Variants in ICAM1 observed in about 807,000 individuals in gnomAD.
The protein encoded by ICAM1 is intercellular adhesion molecule 1.
A neutral mutation model predicts 42.3 loss-of-function variants in ICAM1; 28 were observed. The observed-to-expected ratio is 0.66, with a 90% confidence interval of 0.49 to 0.91. The LOEUF (loss-of-function observed/expected upper bound fraction) is 0.91. Among genes scored for constraint, ICAM1 ranks in the 40% least tolerant of loss-of-function variants. ICAM1 has a pLI of 0.00. For synonymous variants in ICAM1, 304 were observed against 305.9 expected (o/e 0.99, Z 0.07); for missense variants, 637 against 688.6 (o/e 0.93, Z 0.84).
intron 2 of ICAM1, among the ~76,000 whole-genome samples, chr19:10,275,862 C>T (rs1183341926): frequency 1.3e-5 from 2 of 151,566 alleles, no homozygotes; most frequent in Non-Finnish European, 2.9e-5. Flanking sequence ...CGCCTGCCAC[C>T]ATGCCCGGCT....
At chr19:10,283,906 A>G (rs1291727625) in intron 3 of ICAM1, 120 bp downstream of exon 3, 17 of 1,434,048 alleles carry the variant, frequency 1.2e-5, no homozygotes, top group Non-Finnish European at 1.5e-5. Context: ...CATGTGTTCT[A>G]GGCGTATGTG....
rs2040084889 is a variant in ICAM1, at chr19:10,284,248, A to G, written c.853A>G (p.Thr285Ala). The G allele has an allele frequency of 2.5e-6, 4 of 1,613,764 alleles. No homozygotes were observed. Among genetic ancestry groups the G allele is most frequent in the South Asian group, 1.1e-5 (1 of 91,072 alleles). ...CAGTGTGACCGCAGAGGACGAGGGC[A>G]CCCAGCGGCTGACGTGTGCAGTAAT... ...SVSVTAEDEG[T>A]QRLTCAVILG... Residue 285 changes from threonine (T) to alanine (A), a missense_variant, in exon 4 of 7, where the codon ACC (threonine) becomes GCC (alanine). Coordinates refer to ENST00000264832, the MANE Select transcript of ICAM1 (RefSeq NM_000201.3). This position sits in a 1 kb window ranked among gnomAD's most constrained non-coding sequence, Gnocchi z 5.4.
rs1032185087 is a variant in ICAM1 at position 10,285,972 on chromosome 19, T to G, written c.*685T>G. The G allele has an allele frequency of 6.6e-6, 1 of 152,512 alleles. No homozygotes were observed. The allele number at this position is 152,512 out of a possible 1,614,324, so 9.4% of individuals were successfully genotyped here. On this transcript the variant is annotated 3_prime_UTR_variant, in exon 7 of 7. Coordinates refer to ENST00000264832, the MANE Select transcript of ICAM1 (RefSeq NM_000201.3). ...AAAGATCAAATGGGGCTGGGACTTC[T>G]CATTGGCCAACCTGCCTTTCCCCAG...
At chr19:10,272,297 G>A (rs3093035) in intron 1 of ICAM1, among the ~76,000 whole-genome samples, 5,893 of 152,146 alleles carry the variant, frequency 0.039, 177 homozygotes, top group Non-Finnish European at 0.058. Flanking sequence ...AAAACAAAGC[G>A]TTCTGATCCG....
intron 2 of ICAM1, among the ~76,000 whole-genome samples, chr19:10,281,043 T>G (rs539502341): frequency 3.3e-5 from 5 of 150,904 alleles, no homozygotes; most frequent in East Asian, 1.9e-4. Context: ...CTGGCTAATT[T>G]TTTGTATTTT....
intron 1 of ICAM1, among the ~76,000 whole-genome samples, chr19:10,272,738 G>A (rs2039991544): frequency 6.6e-6 from 1 of 151,486 alleles, no homozygotes; most frequent in Non-Finnish European, 1.5e-5. Context: ...GCTAATCACT[G>A]TGTTAGCCAG....
Position 10,284,533 on chromosome 19 carries a change from G to C in ICAM1, c.1056G>C (p.Pro352=), listed in dbSNP as rs201383296. Residue 352 remains proline, a synonymous_variant, in exon 5 of 7, where the codon CCG becomes CCC. Coordinates refer to ENST00000264832, the MANE Select transcript of ICAM1 (RefSeq NM_000201.3). This position sits in a 1 kb window ranked among gnomAD's most constrained non-coding sequence, Gnocchi z 5.4. The part of the protein sequence containing the change: ...LNGVPAQPLG[P]RAQLLLKATP... ...GGGTTCCAGCCCAGCCACTGGGCCC[G>C]AGGGCCCAGCTCCTGCTGAAGGCCA... 1.2e-6 allele frequency: 2 copies of C among 1,613,986 alleles called. No homozygotes were observed. The highest frequency in any genetic ancestry group is 1.7e-4 in the Middle Eastern group (1 of 6,060).
Position 10,285,095 on chromosome 19 carries a change from C to G in ICAM1, c.1427-20C>G, listed in dbSNP as rs1158816155. Reference sequence around the variant, plus strand: ...ATGGACCTAATGCAATCCTCACCGCCTGTTGTATCCTCCCCACAGCCCCCC... The same window carrying G: ...ATGGACCTAATGCAATCCTCACCGCGTGTTGTATCCTCCCCACAGCCCCCC... On this transcript the variant is annotated intron_variant, in intron 6 of 6. Transcript: ENST00000264832. 6.2e-7 allele frequency: 1 copy of G among 1,613,800 alleles called. No individual in the cohort carries two copies. The highest frequency in any genetic ancestry group is 8.5e-7 in the Non-Finnish European group (1 of 1,179,978).
rs1056106066 is a variant in ICAM1 at position 10,284,387 on chromosome 19, T to C, written c.926-16T>C. Reference sequence around the variant, plus strand: ...GACCTGAACCCGGGGCGGGGCTCACTGTGTGCCTATTCCAGGCTTTCCGGC... The same window carrying C: ...GACCTGAACCCGGGGCGGGGCTCACCGTGTGCCTATTCCAGGCTTTCCGGC... On this transcript the variant is annotated splice_polypyrimidine_tract_variant and intron_variant, in intron 4 of 6. Coordinates refer to ENST00000264832, the MANE Select transcript of ICAM1 (RefSeq NM_000201.3). The surrounding 1 kb of genome is among the most constrained non-coding windows in gnomAD (Gnocchi z 5.4). 4 of 1,612,432 alleles carry C rather than the reference T, an allele frequency of 2.5e-6. No homozygotes were observed. The South Asian group carries it at 3.3e-5, about 13-fold the overall frequency.
At chr19:10,275,604 G>A (rs1330410380) in intron 2 of ICAM1, among the ~76,000 whole-genome samples, 1 of 151,956 alleles carries the variant, frequency 6.6e-6, no homozygotes, top group Non-Finnish European at 1.5e-5. Context: ...GTGGTGGCTT[G>A]TACCTATAAT....
chr19:10,284,373 G>C lies in ICAM1; in HGVS notation c.926-30G>C. ...CTTCTTGGGGGTGTGACCTGAACCC[G>C]GGGCGGGGCTCACTGTGTGCCTATT... On this transcript the variant is annotated intron_variant, in intron 4 of 6. Transcript: ENST00000264832. This position sits in a 1 kb window ranked among gnomAD's most constrained non-coding sequence, Gnocchi z 5.4. The C allele has an allele frequency of 6.2e-7, 1 of 1,611,712 alleles. No homozygotes were observed. Among genetic ancestry groups the C allele is most frequent in the Non-Finnish European group, 8.5e-7 (1 of 1,179,650 alleles).
At chr19:10,271,458 G>A (rs1423980043) in intron 1 of ICAM1, among the ~76,000 whole-genome samples, 1 of 152,078 alleles carries the variant, frequency 6.6e-6, no homozygotes, top group Non-Finnish European at 1.5e-5. Context: ...AGATGGAGGG[G>A]AGGGGCGGGC....
chr19:10,283,291 C>A (rs1448214373), intron 2 of ICAM1, 190 bp from the exon 3 acceptor site: 4 of 540,852 alleles, frequency 7.4e-6, no homozygotes, highest in Non-Finnish European at 1.3e-5. Flanking sequence ...ATATTTTGAT[C>A]CCCTTCACAA....
At chr19:10,280,519 A>G (rs1321843214) in intron 2 of ICAM1, among the ~76,000 whole-genome samples, 3 of 151,430 alleles carry the variant, frequency 2.0e-5, no homozygotes, top group African/African-American at 7.3e-5. Context: ...CAGGGACTAC[A>G]GGTGTGAGCC....
chr19:10,274,293 A>G (rs1193197921), intron 1 of ICAM1, among the ~76,000 whole-genome samples: 3 of 151,058 alleles, frequency 2.0e-5, no homozygotes, highest in East Asian at 1.9e-4. Flanking sequence ...TCAGTTATTA[A>G]TTATCTTGTT....
chr19:10,284,242 G>A lies in ICAM1; in HGVS notation c.847G>A (p.Glu283Lys), dbSNP rs113419367. The A allele has an allele frequency of 3.3e-5, 53 of 1,613,862 alleles. 3 individuals carry two copies. The Middle Eastern group carries it at 4.9e-4, about 15-fold the overall frequency. Residue 283 changes from glutamate (E) to lysine (K), a missense_variant, in exon 4 of 7, where the codon GAG (glutamate) becomes AAG (lysine). Coordinates refer to ENST00000264832, the MANE Select transcript of ICAM1 (RefSeq NM_000201.3). This position sits in a 1 kb window ranked among gnomAD's most constrained non-coding sequence, Gnocchi z 5.4. ...KASVSVTAED[E>K]GTQRLTCAVI... ...CTCAGTCAGTGTGACCGCAGAGGAC[G>A]AGGGCACCCAGCGGCTGACGTGTGC...
In ICAM1 at chr19:10,274,804, T is replaced by G. The variant is rs1486174155; in HGVS notation, c.107T>G (p.Val36Gly). The change falls in exon 2 of 7, where the codon GTC (valine) becomes GGC (glycine). Residue 36 changes from valine to glycine, a missense_variant. Transcript: ENST00000264832. ...CAGACATCTGTGTCCCCCTCAAAAG[T>G]CATCCTGCCCCGGGGAGGCTCCGTG... ...NAQTSVSPSK[V>G]ILPRGGSVLV... 5 of 1,613,958 alleles carry G rather than the reference T, an allele frequency of 3.1e-6. No homozygotes were observed. The highest frequency in any genetic ancestry group is 1.6e-4 in the Middle Eastern group (1 of 6,080).
intron 2 of ICAM1, among the ~76,000 whole-genome samples, chr19:10,280,283 G>T (rs1373743318): frequency 6.6e-6 from 1 of 152,170 alleles, no homozygotes; most frequent in Non-Finnish European, 1.5e-5. Flanking sequence ...ATAGGAGGTG[G>T]TAAGAGAGAA....
At chr19:10,281,040 A>AT (rs368084345) in intron 2 of ICAM1, among the ~76,000 whole-genome samples, 52,147 of 150,980 alleles carry the variant, frequency 0.35, 9,445 homozygotes, top group Middle Eastern at 0.51. Context: ...CGCCTGGCTA[A>AT]TTTTTTGTAT....
Sources: gnomAD v4.1 joint callset for allele counts (sites outside exome capture counted in the v4.1 genomes callset) on GRCh38, gnomAD v4.1.1 for gene constraint, Gnocchi (gnomAD v3.1) non-coding constraint, MANE v1.5 for transcripts, NCBI Gene and HGNC (gene_info 2026-07-23, HGNC 2026-07-21) for gene names.